NEGR1: variants seen among roughly 807,000 people sequenced by gnomAD.
NEGR1 encodes neuronal growth regulator 1.
A neutral mutation model predicts 40.9 loss-of-function variants in NEGR1; 10 were observed. The observed-to-expected ratio is 0.24, with a 90% CI of 0.15 to 0.42. The LOEUF (loss-of-function observed/expected upper bound fraction) is 0.42. Among genes scored for constraint, NEGR1 ranks in the 10% least tolerant of loss-of-function variants. The probability of loss-of-function intolerance (pLI) is 1.00; values close to 1 mark genes in which losing one functional copy is unlikely to be tolerated. For missense variants in NEGR1, 352 were observed against 438.9 expected (o/e 0.80, Z 1.77); for synonymous variants, 185 against 166.8 (o/e 1.11, Z -0.84).
intron 1 of NEGR1, among the ~76,000 whole-genome samples, chr1:71,943,166 A>C (rs1477417782): frequency 1.3e-5 from 2 of 148,336 alleles, no homozygotes; most frequent in East Asian, 2.0e-4. Context: ...AAACTTAACT[A>C]TACATATATG....
chr1:71,533,946 C>A (rs1158334027), intron 6 of NEGR1, among the ~76,000 whole-genome samples: 1 of 151,634 alleles, frequency 6.6e-6, no homozygotes, highest in African/African-American at 2.4e-5. Flanking sequence ...CATAAATAAT[C>A]TACTCCTTTT....
intron 1 of NEGR1, among the ~76,000 whole-genome samples, chr1:72,199,777 C>A (rs1653135771): frequency 6.6e-6 from 1 of 151,838 alleles, no homozygotes; most frequent in South Asian, 2.1e-4. Context: ...ACAGAAACTA[C>A]ACATCTAACA....
chr1:71,686,639 A>G (rs1653049129), intron 4 of NEGR1, among the ~76,000 whole-genome samples: 1 of 152,182 alleles, frequency 6.6e-6, no homozygotes. Context: ...CAGGCTAGAC[A>G]ATGTAGTCCA....
intron 4 of NEGR1, among the ~76,000 whole-genome samples, chr1:71,674,666 C>T (rs976884262): frequency 6.6e-6 from 1 of 151,290 alleles, no homozygotes; most frequent in Non-Finnish European, 1.5e-5. Context: ...TGTGATGTTC[C>T]GGTTAGCTTT....
At chr1:72,141,966 TA>T (rs142885695) in intron 1 of NEGR1, among the ~76,000 whole-genome samples, 1 of 151,610 alleles carries the variant, frequency 6.6e-6, no homozygotes, top group Non-Finnish European at 1.5e-5. Flanking sequence ...AGCATGATAA[TA>T]AAAAAGTCAG....
chr1:72,001,213 A>G (rs1646554939), intron 1 of NEGR1, among the ~76,000 whole-genome samples: 1 of 151,854 alleles, frequency 6.6e-6, no homozygotes, highest in Non-Finnish European at 1.5e-5. Context: ...CCATTTTTTC[A>G]GGACCCCTCT....
At position 71,828,704 on chromosome 1, in the gene NEGR1, T is replaced by A. The variant is rs560275734; in HGVS notation, c.410-52407A>T. Among the ~76,000 whole-genome samples the A allele has an allele frequency of 1.6e-4, 24 of 152,084 alleles. No individual in the cohort carries two copies. The South Asian group carries it at 4.8e-3, about 30-fold the overall frequency. On this transcript the variant is annotated intron_variant, in intron 2 of 6. Transcript: ENST00000357731. ...ATGCCTATTGCCATCAGAGACCAAA[T>A]TCTTGAGTTTCTAACTTTCTAGCAA...
intron 1 of NEGR1, among the ~76,000 whole-genome samples, chr1:72,092,055 C>T (rs1648520100): frequency 1.3e-5 from 2 of 150,750 alleles, no homozygotes; most frequent in African/African-American, 2.4e-5. Flanking sequence ...TGGGAAGACA[C>T]AAACATTCAG....
intron 2 of NEGR1, among the ~76,000 whole-genome samples, chr1:71,817,732 A>C (rs1658278295): frequency 1.3e-5 from 2 of 152,050 alleles, no homozygotes; most frequent in Non-Finnish European, 1.5e-5. Flanking sequence ...GTAGTGATAG[A>C]AACAGCAGAT....
intron 1 of NEGR1, among the ~76,000 whole-genome samples, chr1:72,001,049 G>A (rs966034457): frequency 1.3e-5 from 2 of 152,060 alleles, no homozygotes; most frequent in Admixed American, 6.6e-5. Flanking sequence ...GTAGTAAAGG[G>A]AACAAAGCAA....
intron 1 of NEGR1, among the ~76,000 whole-genome samples, chr1:72,127,341 G>T (rs1239950611): frequency 3.3e-5 from 5 of 151,634 alleles, no homozygotes; most frequent in Non-Finnish European, 7.4e-5. Context: ...GCGGGCGCCT[G>T]TAGTCCCAGC....
chr1:71,722,707 A>T (rs1268272467), intron 3 of NEGR1, among the ~76,000 whole-genome samples: 2 of 151,542 alleles, frequency 1.3e-5, no homozygotes, highest in Admixed American at 1.3e-4. Context: ...GTCAGAAAAA[A>T]ATTGGCATAC....
At chr1:71,843,726 T>C (rs1316937096) in intron 2 of NEGR1, among the ~76,000 whole-genome samples, 1 of 152,168 alleles carries the variant, frequency 6.6e-6, no homozygotes, top group Non-Finnish European at 1.5e-5. Context: ...CAAGGACTTA[T>C]GAAAATAAAT....
chr1:71,723,220 T>C (rs1481655397), intron 3 of NEGR1, among the ~76,000 whole-genome samples: 1 of 152,128 alleles, frequency 6.6e-6, no homozygotes, highest in African/African-American at 2.4e-5. Flanking sequence ...TCTCTTGGTG[T>C]TGTAACATAA....
At chr1:72,184,792 T>A (rs1570094969) in intron 1 of NEGR1, among the ~76,000 whole-genome samples, 1 of 152,014 alleles carries the variant, frequency 6.6e-6, no homozygotes, top group Non-Finnish European at 1.5e-5. Context: ...AGTTTGTCAA[T>A]CCTGGCAATT....
intron 1 of NEGR1, among the ~76,000 whole-genome samples, chr1:72,226,013 G>C (rs149534427): frequency 0.015 from 2,339 of 151,892 alleles, 44 homozygotes; most frequent in African/African-American, 0.054. Context: ...TTCAGAAGAT[G>C]AAGTTCAGAA....
At chr1:71,508,469 A>G (rs1254162574) in intron 6 of NEGR1, among the ~76,000 whole-genome samples, 1 of 150,972 alleles carries the variant, frequency 6.6e-6, no homozygotes, top group Non-Finnish European at 1.5e-5. Context: ...TACTATACGA[A>G]AAGCAAAAGT....
intron 2 of NEGR1, among the ~76,000 whole-genome samples, chr1:71,928,411 TATATATACACAC>T (rs1645817014): frequency 7.0e-6 from 1 of 142,220 alleles, no homozygotes; most frequent in Non-Finnish European, 1.5e-5. Context: ...TATGTGTATG[TATATATACACAC>T]ATATGTATAT....
chr1:71,705,727 GAAAGAAAAGAAAAGAAAGA>G (rs1328257570), intron 3 of NEGR1, among the ~76,000 whole-genome samples: 1 of 134,790 alleles, frequency 7.4e-6, no homozygotes, highest in African/African-American at 2.8e-5. Context: ...AAAAAGAAAA[GAAAGAAAAGAAAAGAAAGA>G]AAAGAAAATA....
Sources: gnomAD v4.1 joint callset for allele counts (sites outside exome capture counted in the v4.1 genomes callset) on GRCh38, gnomAD v4.1.1 for gene constraint, MANE v1.5 for transcripts, NCBI Gene and HGNC (gene_info 2026-07-23, HGNC 2026-07-21) for gene names.